SRP9: variants seen among roughly 807,000 people sequenced by gnomAD.
SRP9 encodes signal recognition particle 9.
A neutral mutation model predicts 11.7 loss-of-function variants in SRP9; 2 were observed. The ratio of observed to expected loss-of-function variants is 0.17; its 90% CI spans 0.07 to 0.54. The LOEUF is 0.54. Ranked by LOEUF, SRP9 falls within the 20% of genes least tolerant of loss-of-function variation. The pLI, the probability that SRP9 is intolerant of heterozygous loss-of-function variation, is 0.94. For missense variants in SRP9, 54 were observed against 108.1 expected, an observed-to-expected ratio of 0.50 and a Z score of 2.22; for synonymous variants, 27 against 35.6, an observed-to-expected ratio of 0.76 and a Z score of 0.86.
At chr1:225,778,078 C>T in intron 1 of SRP9, 66 bp downstream of exon 1, 2 of 1,568,858 alleles carry the variant, frequency 1.3e-6, no homozygotes, top group Non-Finnish European at 1.7e-6. Flanking sequence ...ATCCACTCGG[C>T]CCCTGGAGCT....
rs1456377906 is a variant in SRP9, at chr1:225,786,860, A to G, written c.142-2380A>G. ...TGGTTGATTGCTTTTTTTTTTTTTTAGAGACAGTGTCTTGCTCTATTGCTC... is the reference window on the plus strand; with the variant it reads ...TGGTTGATTGCTTTTTTTTTTTTTTGGAGACAGTGTCTTGCTCTATTGCTC... On this transcript the variant is annotated intron_variant, in intron 2 of 2. Coordinates refer to ENST00000304786, the MANE Select transcript of SRP9 (RefSeq NM_003133.6). The G allele has an allele frequency of 5.1e-6, 5 of 972,452 alleles. No individual in the cohort carries two copies. In the South Asian group the frequency reaches 5.8e-5, roughly 11 times the overall value. 60.2% of individuals were successfully genotyped at this position (972,452 alleles called of 1,614,324 possible).
intron 2 of SRP9, among the ~76,000 whole-genome samples, chr1:225,788,657 G>A (rs563828867): frequency 4.6e-5 from 7 of 152,096 alleles, no homozygotes; most frequent in East Asian, 3.9e-4. Flanking sequence ...CTGGTGGTCC[G>A]CCTGCCTCGG....
intron 2 of SRP9, chr1:225,786,914 C>A: frequency 1.1e-6 from 1 of 903,380 alleles, no homozygotes; most frequent in Non-Finnish European, 1.6e-6. Flanking sequence ...ATGATCATAG[C>A]TCACTGCATC....
chr1:225,778,591 T>C (rs1246514710), intron 1 of SRP9, among the ~76,000 whole-genome samples: 1 of 152,222 alleles, frequency 6.6e-6, no homozygotes, highest in Non-Finnish European at 1.5e-5. Flanking sequence ...TTGCAAACAA[T>C]TTTAAGGGAT....
chr1:225,780,398 A>T (rs1286929846), intron 1 of SRP9, among the ~76,000 whole-genome samples: 1 of 151,756 alleles, frequency 6.6e-6, no homozygotes, highest in Non-Finnish European at 1.5e-5. Context: ...TTGTTTTCCA[A>T]GATGGAGTTT....
chr1:225,784,712 G>A (rs1359388260), intron 2 of SRP9, among the ~76,000 whole-genome samples: 1 of 151,642 alleles, frequency 6.6e-6, no homozygotes, highest in Admixed American at 6.6e-5. Flanking sequence ...CATGGTGGCG[G>A]GCACCTGTAG....
intron 1 of SRP9, among the ~76,000 whole-genome samples, chr1:225,780,526 A>G (rs1409848377): frequency 1.3e-5 from 2 of 152,188 alleles, no homozygotes; most frequent in South Asian, 4.1e-4. Flanking sequence ...ATATATATTT[A>G]TGTGTGTTTA....
At chr1:225,785,579 A>G (rs1167419493) in intron 2 of SRP9, among the ~76,000 whole-genome samples, 2 of 148,172 alleles carry the variant, frequency 1.3e-5, no homozygotes, top group South Asian at 2.1e-4. Flanking sequence ...ACGGGGTTTC[A>G]CCCTGTTAGC....
intron 2 of SRP9, 36 bp downstream of exon 2, chr1:225,783,404 A>T (rs182022249): frequency 1.3e-6 from 2 of 1,500,050 alleles, no homozygotes; most frequent in Non-Finnish European, 1.8e-6. Flanking sequence ...ATACTTTCAG[A>T]TTTGTTTGAG....
At chr1:225,783,909 T>C (rs1441012337) in intron 2 of SRP9, among the ~76,000 whole-genome samples, 4 of 152,196 alleles carry the variant, frequency 2.6e-5, no homozygotes, top group African/African-American at 4.8e-5. Context: ...GCCCACTCTT[T>C]CATAGAAATA....
In SRP9 at chr1:225,790,164, T is replaced by G. The variant is rs1385548600; in HGVS notation, c.*805T>G. 6.6e-6 allele frequency: 1 copy of G among 152,238 alleles called. No individual in the cohort carries two copies. Among genetic ancestry groups the G allele is most frequent in the Admixed American group, 6.5e-5 (1 of 15,286 alleles). 9.4% of individuals were successfully genotyped at this position (152,238 alleles called of 1,614,324 possible). A position where few individuals can be genotyped will look rare whatever the true frequency, so the allele number is the denominator to read the frequency against. On this transcript the variant is annotated 3_prime_UTR_variant, in exon 3 of 3. Transcript: ENST00000304786. ...TGGATTAGTTTGAACTGTCAAATCCTTGCATACTTCTGTGACACCCCTGCC... is the reference window on the plus strand; with the variant it reads ...TGGATTAGTTTGAACTGTCAAATCCGTGCATACTTCTGTGACACCCCTGCC...
chr1:225,787,257 G>A lies in SRP9; in HGVS notation c.142-1983G>A, dbSNP rs137942871. Among the ~76,000 whole-genome samples the A allele has an allele frequency of 2.1e-4, 32 of 152,244 alleles. No homozygotes were observed. The East Asian group carries it at 4.1e-3, about 19-fold the overall frequency. On this transcript the variant is annotated intron_variant, in intron 2 of 2. Transcript: ENST00000304786. Reference sequence around the variant, plus strand: ...TGTCTTAAAAATAGGGGAATAGGCCGGGCGCGGTGGCTCGTGCTGGTAATC... The same window carrying A: ...TGTCTTAAAAATAGGGGAATAGGCCAGGCGCGGTGGCTCGTGCTGGTAATC...
intron 1 of SRP9, 42 bp downstream of exon 1, chr1:225,778,054 G>T: frequency 1.9e-6 from 3 of 1,609,544 alleles, no homozygotes; most frequent in Non-Finnish European, 1.7e-6. Context: ...CCCAGCCCAG[G>T]ATGTCTTCCC....
In SRP9 at chr1:225,789,380, T is replaced by C; in HGVS notation, c.*21T>C. On this transcript the variant is annotated 3_prime_UTR_variant, in exon 3 of 3. Transcript: ENST00000304786. ...AGTGAATGGTTTGAAATGAAGACTTTGTCGTGTACTTAGGAAGTAAATATC... is the reference window on the plus strand; with the variant it reads ...AGTGAATGGTTTGAAATGAAGACTTCGTCGTGTACTTAGGAAGTAAATATC... 6.5e-7 allele frequency: 1 copy of C among 1,545,776 alleles called. No homozygotes were observed. The highest frequency in any genetic ancestry group is 8.7e-7 in the Non-Finnish European group (1 of 1,145,770).
At chr1:225,783,998 T>G (rs1392071889) in intron 2 of SRP9, among the ~76,000 whole-genome samples, 1 of 151,994 alleles carries the variant, frequency 6.6e-6, no homozygotes, top group Non-Finnish European at 1.5e-5. Flanking sequence ...TCTTTGCTGA[T>G]TGTTTTTTTT....
chr1:225,778,039 T>A (rs982456653), intron 1 of SRP9, 27 bp downstream of exon 1: 1 of 1,613,330 alleles, frequency 6.2e-7, no homozygotes, highest in African/African-American at 1.3e-5. Context: ...GCCGCTGCTT[T>A]GGGCCCCAGC....
chr1:225,783,519 A>G (rs1215488715), intron 2 of SRP9, 151 bp downstream of exon 2: 3 of 623,828 alleles, frequency 4.8e-6, no homozygotes, highest in South Asian at 2.1e-5. Flanking sequence ...TCTAGCAGCT[A>G]CTTTTATAGA....
intron 1 of SRP9, among the ~76,000 whole-genome samples, chr1:225,782,341 T>G (rs1048840477): frequency 2.0e-5 from 3 of 151,918 alleles, no homozygotes; most frequent in Non-Finnish European, 2.9e-5. Context: ...TTTTTTGTAT[T>G]TTTTAGTAGA....
intron 2 of SRP9, among the ~76,000 whole-genome samples, chr1:225,787,711 A>G (rs148691302): frequency 6.6e-6 from 1 of 152,268 alleles, no homozygotes; most frequent in African/African-American, 2.4e-5. Context: ...ATTGATTTAG[A>G]ATACTGTCTT....
Sources: allele counts gnomAD v4.1 joint callset (sites outside exome capture counted in the v4.1 genomes callset), GRCh38; gene constraint gnomAD v4.1.1; transcripts MANE v1.5; gene names NCBI Gene and HGNC (gene_info 2026-07-23, HGNC 2026-07-21).